Variants in PDE10A observed in about 807,000 individuals in gnomAD.
The protein encoded by PDE10A is cAMP and cAMP-inhibited cGMP 3',5'-cyclic phosphodiesterase 10A.
Under a neutral mutation model 97.7 loss-of-function variants are expected in PDE10A, and 39 were observed. The ratio of observed to expected loss-of-function variants is 0.40; its 90% CI spans 0.31 to 0.52. PDE10A has a LOEUF of 0.52. PDE10A is among the 20% of genes least tolerant of loss of function. PDE10A has a pLI of 0.56. For missense variants in PDE10A, 731 were observed against 1,047.8 expected, an observed-to-expected ratio of 0.70 and a Z score of 4.17; for synonymous variants, 371 against 376.8, an observed-to-expected ratio of 0.98 and a Z score of 0.18.
Position 165,636,542 on chromosome 6 carries a change from C to T in PDE10A, c.865+25405G>A, listed in dbSNP as rs139972743. On this transcript the variant is annotated intron_variant, in intron 1 of 21. Coordinates refer to ENST00000539869, the MANE Select transcript of PDE10A (RefSeq NM_001385079.1). ...AGGCAAAACCAGCCCTTACAGGAAA[C>T]CTCACATTCCAGACGTTCCACAGGC... Among the ~76,000 whole-genome samples the T allele has an allele frequency of 2.2e-3, 334 of 152,266 alleles. 1 individual carries two copies. Among genetic ancestry groups the T allele is most frequent in the Middle Eastern group, 3.4e-3 (1 of 294 alleles).
intron 1 of PDE10A, among the ~76,000 whole-genome samples, chr6:165,729,291 T>C (rs1792369104): frequency 6.6e-6 from 1 of 152,106 alleles, no homozygotes; most frequent in South Asian, 2.1e-4. Flanking sequence ...CCCCAAAATA[T>C]GGTAGAGATT....
intron 1 of PDE10A, among the ~76,000 whole-genome samples, chr6:165,593,316 G>C (rs551341033): frequency 1.3e-5 from 2 of 152,242 alleles, no homozygotes; most frequent in South Asian, 4.1e-4. Context: ...GGGGTTAAGG[G>C]AGATAGCATT....
chr6:165,836,307 T>C (rs1265910418), intron 1 of PDE10A, among the ~76,000 whole-genome samples: 1 of 152,224 alleles, frequency 6.6e-6, no homozygotes, highest in Non-Finnish European at 1.5e-5. Flanking sequence ...ACTTCTACCT[T>C]TCTTCCGAGT....
Position 165,416,285 on chromosome 6 carries a change from C to A in PDE10A, c.1797-4G>T, listed in dbSNP as rs370626908. On this transcript the variant is annotated splice_region_variant and splice_polypyrimidine_tract_variant and intron_variant, in intron 11 of 21. Coordinates refer to ENST00000539869, the MANE Select transcript of PDE10A (RefSeq NM_001385079.1). The stretch of plus-strand genomic sequence containing the variant: ...AATTCCTTTCTCAATTGAAAATCTG[C>A]ATATGTAAAAGAGAAGGACATGCTA... 210 of 1,586,888 alleles carry A rather than the reference C, an allele frequency of 1.3e-4. No individual in the cohort carries two copies. Among genetic ancestry groups the A allele is most frequent in the Non-Finnish European group, 1.7e-4 (197 of 1,155,220 alleles).
intron 1 of PDE10A, among the ~76,000 whole-genome samples, chr6:165,599,594 C>T (rs1786813654): frequency 1.3e-5 from 2 of 152,204 alleles, no homozygotes; most frequent in African/African-American, 2.4e-5. Context: ...TATCATAAAA[C>T]TTCTTAGACA....
chr6:165,430,668 C>T (rs1053631053), intron 8 of PDE10A, among the ~76,000 whole-genome samples: 2 of 152,124 alleles, frequency 1.3e-5, no homozygotes, highest in African/African-American at 4.8e-5. Flanking sequence ...GCATTCAGGT[C>T]TGGATAGTCG....
intron 1 of PDE10A, among the ~76,000 whole-genome samples, chr6:165,976,815 C>T (rs1175963564): frequency 6.6e-6 from 1 of 152,220 alleles, no homozygotes; most frequent in Non-Finnish European, 1.5e-5. Flanking sequence ...CTGCAGTCCC[C>T]ACCAGCCACC....
intron 1 of PDE10A, among the ~76,000 whole-genome samples, chr6:165,554,507 G>A (rs1784157829): frequency 1.3e-5 from 2 of 152,070 alleles, no homozygotes; most frequent in African/African-American, 4.8e-5. Flanking sequence ...CAAAAGACAA[G>A]CAATAGCAAA....
intron 2 of PDE10A, among the ~76,000 whole-genome samples, chr6:165,542,191 A>C (rs1296311487): frequency 2.0e-5 from 3 of 152,230 alleles, no homozygotes; most frequent in African/African-American, 7.2e-5. Flanking sequence ...ATTTAAAAAA[A>C]GTTGAACAGT....
chr6:165,919,968 C>T (rs1356001665), intron 1 of PDE10A, among the ~76,000 whole-genome samples: 1 of 152,140 alleles, frequency 6.6e-6, no homozygotes, highest in East Asian at 1.9e-4. Flanking sequence ...TTTGGTATGG[C>T]TTATGCCATT....
chr6:165,426,766 A>C (rs1306462494), intron 10 of PDE10A, among the ~76,000 whole-genome samples: 1 of 152,152 alleles, frequency 6.6e-6, no homozygotes, highest in African/African-American at 2.4e-5. Context: ...AACTCTTAAC[A>C]AGTCAATAAT....
At position 165,444,016 on chromosome 6, in the gene PDE10A, AC is replaced by A. The variant is rs1321578977; in HGVS notation, c.1194+4911del. On this transcript the variant is annotated intron_variant, in intron 5 of 21. Transcript: ENST00000539869. Reference sequence around the variant, plus strand: ...AAAATCGGTTTGTCCTTTCTACAACACGGTCAGGCTACAAATATTCTAAACT... The same window carrying A: ...AAAATCGGTTTGTCCTTTCTACAACAGGTCAGGCTACAAATATTCTAAACT... 3.3e-5 allele frequency among the ~76,000 whole-genome samples: 5 copies of A among 152,292 alleles called. No individual in the cohort carries two copies. In the East Asian group the frequency reaches 7.7e-4, roughly 23 times the overall value.
At chr6:165,377,758 G>A (rs1157759006) in intron 18 of PDE10A, among the ~76,000 whole-genome samples, 1 of 152,078 alleles carries the variant, frequency 6.6e-6, no homozygotes, top group East Asian at 1.9e-4. Flanking sequence ...ACAAACACCT[G>A]TTTCTACATG....
At chr6:165,774,466 T>C (rs1225449035) in intron 1 of PDE10A, among the ~76,000 whole-genome samples, 8 of 148,068 alleles carry the variant, frequency 5.4e-5, no homozygotes, top group Non-Finnish European at 7.4e-5. Flanking sequence ...AATAAACATG[T>C]ATATATAATA....
At chr6:165,862,201 T>C (rs900451869) in intron 1 of PDE10A, among the ~76,000 whole-genome samples, 2 of 152,214 alleles carry the variant, frequency 1.3e-5, no homozygotes, top group African/African-American at 2.4e-5. Flanking sequence ...TCATAAAAAT[T>C]TCCCTAAAGC....
At chr6:165,971,278 C>G (rs1279926956) in intron 1 of PDE10A, among the ~76,000 whole-genome samples, 1 of 152,116 alleles carries the variant, frequency 6.6e-6, no homozygotes, top group Non-Finnish European at 1.5e-5. Flanking sequence ...ATGGAGACCC[C>G]TCATTGACTC....
chr6:165,987,941 T>A, exon 1 of PDE10A: 1 of 375,402 alleles, frequency 2.7e-6, no homozygotes, highest in Non-Finnish European at 5.3e-6. Flanking sequence ...GACTCAGACC[T>A]CTCTCTTTAG....
chr6:165,416,340 A>G, intron 11 of PDE10A, 59 bp from the exon 12 acceptor site: 1 of 1,046,782 alleles, frequency 9.6e-7, no homozygotes, highest in Non-Finnish European at 1.5e-6. Context: ...AGAATAATTC[A>G]AAAATATTCC....
At chr6:165,593,342 T>C (rs1319180757) in intron 1 of PDE10A, among the ~76,000 whole-genome samples, 3 of 152,148 alleles carry the variant, frequency 2.0e-5, no homozygotes, top group African/African-American at 4.8e-5. Flanking sequence ...AAATACCTAA[T>C]GTAGATGACC....
Sources: allele counts gnomAD v4.1 joint callset (sites outside exome capture counted in the v4.1 genomes callset), GRCh38; gene constraint gnomAD v4.1.1; transcripts MANE v1.5; gene names NCBI Gene and HGNC (gene_info 2026-07-23, HGNC 2026-07-21).